The following ZNF362 variants were observed in gnomAD, a reference collection of about 807,000 sequenced individuals.
The protein encoded by ZNF362 is zinc finger protein 362.
In ZNF362, 11 loss-of-function variants were observed where a neutral mutation model predicts 42.9. That is an observed-to-expected ratio of 0.26 (90% CI 0.16 to 0.42). The LOEUF (loss-of-function observed/expected upper bound fraction) is 0.42, where lower values mean the gene tolerates loss of function less well. Ranked by LOEUF, ZNF362 falls within the 20% of genes least tolerant of loss-of-function variation. ZNF362 has a pLI of 1.00. For missense variants in ZNF362, 362 were observed against 576.2 expected, an observed-to-expected ratio of 0.63 and a Z score of 3.81; for synonymous variants, 255 against 257.3, an observed-to-expected ratio of 0.99 and a Z score of 0.09.
chr1:33,245,658 C>G, the ZNF362 span, among the ~76,000 whole-genome samples: 1 of 152,158 alleles, frequency 6.6e-6, no homozygotes, highest in African/African-American at 2.4e-5. Flanking sequence ...TGGAAGGAAG[C>G]CAGATGCAGT....
the ZNF362 span, among the ~76,000 whole-genome samples, chr1:33,189,695 ATACACATATATACG>A: frequency 0.013 from 91 of 7,174 alleles, 9 homozygotes; most frequent in Admixed American, 0.024. Context: ...GTATATATAT[ATACACATATATACG>A]TATATATATA....
chr1:33,198,545 T>C, the ZNF362 span, among the ~76,000 whole-genome samples: 1 of 152,106 alleles, frequency 6.6e-6, no homozygotes, highest in Non-Finnish European at 1.5e-5. Context: ...TGCACGCCTC[T>C]AGTTTCAGCT....
At chr1:33,152,492 G>A in the ZNF362 span, among the ~76,000 whole-genome samples, 1 of 152,036 alleles carries the variant, frequency 6.6e-6, no homozygotes, top group South Asian at 2.1e-4. Flanking sequence ...GCTTGAATCT[G>A]GGAGGCGGAG....
the ZNF362 span, among the ~76,000 whole-genome samples, chr1:33,171,480 G>A: frequency 7.9e-4 from 120 of 152,228 alleles, 2 homozygotes; most frequent in Middle Eastern, 6.8e-3. Context: ...CAGTGGCTCC[G>A]AAAATCCATG....
At chr1:33,263,391 A>G (rs1283368837) in intron 1 of ZNF362, among the ~76,000 whole-genome samples, 1 of 152,146 alleles carries the variant, frequency 6.6e-6, no homozygotes, top group East Asian at 1.9e-4. Flanking sequence ...CAGGCACTAT[A>G]TAAAAGATCA....
rs12067094 is a variant in ZNF362 at position 33,291,006 on chromosome 1, C to T, written c.909-3931C>T. Among the ~76,000 whole-genome samples, 639 of 152,244 alleles carry T rather than the reference C, an allele frequency of 4.2e-3. 6 individuals carry two copies. Among genetic ancestry groups the T allele is most frequent in the African/African-American group, 0.015 (605 of 41,550 alleles). On this transcript the variant is annotated intron_variant, in intron 6 of 8. Transcript: ENST00000539719. ...TAGATTGCAAAAATTTTCTCCCATT[C>T]TGTAGGTTGCCTGTTCACTCTGATG...
the ZNF362 span, among the ~76,000 whole-genome samples, chr1:33,133,684 C>G: frequency 6.6e-6 from 1 of 152,314 alleles, no homozygotes; most frequent in African/African-American, 2.4e-5. Context: ...GGTGTTAGGG[C>G]AAGGGCAGTG....
the ZNF362 span, among the ~76,000 whole-genome samples, chr1:33,209,857 A>T: frequency 6.6e-6 from 1 of 151,344 alleles, no homozygotes; most frequent in South Asian, 2.1e-4. Context: ...AATTTTGTTG[A>T]TCTTTTCAAA....
intron 6 of ZNF362, among the ~76,000 whole-genome samples, chr1:33,282,778 C>T (rs970937116): frequency 6.7e-6 from 1 of 149,834 alleles, no homozygotes; most frequent in Non-Finnish European, 1.5e-5. Flanking sequence ...GCCGAGATTG[C>T]GCCATTGCAC....
the ZNF362 span, among the ~76,000 whole-genome samples, chr1:33,208,044 T>C: frequency 1.2e-4 from 18 of 152,356 alleles, no homozygotes; most frequent in South Asian, 8.3e-4. Flanking sequence ...TTAATGGTAT[T>C]GCCTAGGTTT....
chr1:33,218,190 C>T, the ZNF362 span, among the ~76,000 whole-genome samples: 1 of 152,134 alleles, frequency 6.6e-6, no homozygotes, highest in Non-Finnish European at 1.5e-5. Context: ...GCCTATAATC[C>T]AGCACTTTGG....
the ZNF362 span, among the ~76,000 whole-genome samples, chr1:33,157,909 A>G: frequency 0.13 from 19,753 of 152,074 alleles, 1,569 homozygotes; most frequent in Non-Finnish European, 0.18. Context: ...GGTGCACGCC[A>G]CCATGCCCAG....
the ZNF362 span, among the ~76,000 whole-genome samples, chr1:33,144,589 G>A: frequency 1.3e-4 from 20 of 152,338 alleles, no homozygotes; most frequent in South Asian, 1.7e-3. Context: ...CCTGTCTATA[G>A]TACTCAGTAA....
the ZNF362 span, among the ~76,000 whole-genome samples, chr1:33,221,260 C>CG: frequency 3.3e-5 from 5 of 152,174 alleles, no homozygotes; most frequent in African/African-American, 1.2e-4. Flanking sequence ...GAGTGAGGTA[C>CG]GGGCCAGGAC....
At chr1:33,147,484 C>T in the ZNF362 span, 27 of 1,613,148 alleles carry the variant, frequency 1.7e-5, no homozygotes, top group Non-Finnish European at 2.0e-5. The surrounding 1 kb of genome is among the most constrained non-coding windows in gnomAD (Gnocchi z 8.1). Context: ...GCTGCCCTTG[C>T]GGCTTGCGGC....
chr1:33,272,570 A>G (rs975109852), intron 2 of ZNF362, among the ~76,000 whole-genome samples: 1 of 152,132 alleles, frequency 6.6e-6, no homozygotes, highest in South Asian at 2.1e-4. Flanking sequence ...GGCTCACAGT[A>G]GAGAGTCTTG....
the ZNF362 span, among the ~76,000 whole-genome samples, chr1:33,150,845 T>G: frequency 5.9e-5 from 9 of 151,994 alleles, no homozygotes; most frequent in African/African-American, 2.2e-4. Flanking sequence ...GGGATGTGGA[T>G]CACACTCAGG....
At chr1:33,224,748 T>C in the ZNF362 span, among the ~76,000 whole-genome samples, 8 of 152,180 alleles carry the variant, frequency 5.3e-5, no homozygotes, top group African/African-American at 1.4e-4. Context: ...GAAGAGATGA[T>C]GGTTGAGAAT....
the ZNF362 span, among the ~76,000 whole-genome samples, chr1:33,242,850 A>T: frequency 6.6e-6 from 1 of 152,182 alleles, no homozygotes; most frequent in Non-Finnish European, 1.5e-5. Context: ...GGACAAGCCA[A>T]AGTGCTGCTT....
Sources: allele counts gnomAD v4.1 joint callset (sites outside exome capture counted in the v4.1 genomes callset), GRCh38; gene constraint gnomAD v4.1.1; non-coding constraint Gnocchi (gnomAD v3.1); transcripts MANE v1.5; gene names NCBI Gene and HGNC (gene_info 2026-07-23, HGNC 2026-07-21).